The following KCNAB1 variants were observed in gnomAD, a reference collection of about 807,000 sequenced individuals.
The protein encoded by KCNAB1 is voltage-gated potassium channel subunit beta-1.
KCNAB1 carries 35 observed loss-of-function variants against 64.6 expected under a neutral mutation model. The observed-to-expected ratio is 0.54, with a 90% CI of 0.41 to 0.72. KCNAB1 has a LOEUF of 0.72. Ranked by LOEUF, KCNAB1 falls within the 30% of genes least tolerant of loss-of-function variation. KCNAB1 has a pLI of 0.00. For synonymous variants in KCNAB1, 177 were observed against 183.8 expected (o/e 0.96, Z 0.30); for missense variants, 401 against 512.9 (o/e 0.78, Z 2.11).
In KCNAB1 at chr3:156,176,486, C is replaced by T; in HGVS notation, c.275+55600C>T. 5 of 790,836 alleles carry T rather than the reference C, an allele frequency of 6.3e-6. 1 individual carries two copies. The highest frequency in any genetic ancestry group is 5.4e-5 in the South Asian group (4 of 74,688). The allele number at this position is 790,836 out of a possible 1,614,324, so 49.0% of individuals were successfully genotyped here. A position where few individuals can be genotyped will look rare whatever the true frequency, so the allele number is the denominator to read the frequency against. Reference sequence around the variant, plus strand: ...TCCCTTTAGCGTTTTAACCCTCTTGCCCGTTTCACTATCCCACACAGCCAC... The same window carrying T: ...TCCCTTTAGCGTTTTAACCCTCTTGTCCGTTTCACTATCCCACACAGCCAC... On this transcript the variant is annotated intron_variant, in intron 1 of 13. Coordinates refer to ENST00000490337, the MANE Select transcript of KCNAB1 (RefSeq NM_172160.3).
At chr3:156,337,507 A>G (rs553227879) in intron 1 of KCNAB1, among the ~76,000 whole-genome samples, 7 of 152,104 alleles carry the variant, frequency 4.6e-5, no homozygotes, top group African/African-American at 9.6e-5. Context: ...CACTTTGCCT[A>G]GAGGCACCAA....
chr3:156,296,623 A>AC (rs1720804248), intron 1 of KCNAB1, among the ~76,000 whole-genome samples: 2 of 151,664 alleles, frequency 1.3e-5, no homozygotes, highest in South Asian at 4.2e-4. Context: ...ACAGGTGCCC[A>AC]CCACCATGCC....
intron 10 of KCNAB1, 112 bp from the exon 11 acceptor site, chr3:156,516,158 C>T: frequency 2.9e-6 from 2 of 678,792 alleles, no homozygotes; most frequent in South Asian, 3.6e-5. Context: ...ATTTATCTGG[C>T]CAGCTTTTCC....
chr3:156,309,776 C>A (rs1259497294), intron 1 of KCNAB1, among the ~76,000 whole-genome samples: 1 of 152,214 alleles, frequency 6.6e-6, no homozygotes, highest in African/African-American at 2.4e-5. Context: ...TCCTGCTGCC[C>A]TGTTTGTGAT....
At chr3:156,532,161 G>T (rs1406089863) in intron 13 of KCNAB1, among the ~76,000 whole-genome samples, 1 of 152,140 alleles carries the variant, frequency 6.6e-6, no homozygotes, top group African/African-American at 2.4e-5. Context: ...GCAAATTTAG[G>T]AGGCCCATCC....
At chr3:156,363,823 A>G (rs1725777229) in intron 1 of KCNAB1, among the ~76,000 whole-genome samples, 6 of 152,218 alleles carry the variant, frequency 3.9e-5, no homozygotes, top group Admixed American at 3.9e-4. Flanking sequence ...AGGCGACTAC[A>G]TAAAATGGTG....
chr3:156,174,553 A>G (rs1321876489), intron 1 of KCNAB1, among the ~76,000 whole-genome samples: 4 of 152,346 alleles, frequency 2.6e-5, no homozygotes, highest in Middle Eastern at 6.8e-3. Context: ...CCCTTCCCTG[A>G]CACCCTGACT....
At position 156,209,664 on chromosome 3, in the gene KCNAB1, C is replaced by G. The variant is rs937609052; in HGVS notation, c.275+88778C>G. ...CAGATGTGAACAGAACACAAGATGT[C>G]TGGAAAATTCCACCATAGCACAGAG... is the stretch of plus-strand genomic sequence containing the variant. On this transcript the variant is annotated intron_variant, in intron 1 of 13. Coordinates refer to ENST00000490337, the MANE Select transcript of KCNAB1 (RefSeq NM_172160.3). Among the ~76,000 whole-genome samples the G allele has an allele frequency of 2.6e-5, 4 of 152,200 alleles. No individual in the cohort carries two copies. The South Asian group carries it at 8.3e-4, about 32-fold the overall frequency.
At chr3:156,194,110 G>T (rs1713733854) in intron 1 of KCNAB1, among the ~76,000 whole-genome samples, 1 of 151,604 alleles carries the variant, frequency 6.6e-6, no homozygotes, top group East Asian at 1.9e-4. Context: ...ATTGCTATTA[G>T]TTTTATGTTA....
chr3:156,493,806 A>G (rs923889520), intron 8 of KCNAB1, among the ~76,000 whole-genome samples: 1 of 152,106 alleles, frequency 6.6e-6, no homozygotes, highest in African/African-American at 2.4e-5. Context: ...GGCATTTCCT[A>G]GTGATTAAAT....
At chr3:156,393,255 G>A (rs1215533663) in intron 1 of KCNAB1, among the ~76,000 whole-genome samples, 1 of 152,168 alleles carries the variant, frequency 6.6e-6, no homozygotes, top group East Asian at 1.9e-4. Context: ...AGATGAACAT[G>A]GCTGAACTTA....
intron 1 of KCNAB1, among the ~76,000 whole-genome samples, chr3:156,222,593 TATAGAACATTCTACCCAAC>T (rs1301486817): frequency 6.6e-6 from 1 of 152,200 alleles, no homozygotes; most frequent in Non-Finnish European, 1.5e-5. Context: ...CAGATATATT[TATAGAACATTCTACCCAAC>T]AACTGTAGAA....
intron 1 of KCNAB1, among the ~76,000 whole-genome samples, chr3:156,394,230 A>T (rs1713259713): frequency 1.3e-5 from 2 of 152,230 alleles, no homozygotes. Context: ...TACAAACTCC[A>T]TTTGTATTAG....
intron 1 of KCNAB1, among the ~76,000 whole-genome samples, chr3:156,272,524 C>G (rs1719095423): frequency 6.6e-6 from 1 of 152,108 alleles, no homozygotes; most frequent in Non-Finnish European, 1.5e-5. Context: ...CGGGCTACCA[C>G]CAGTGTTCCC....
intron 2 of KCNAB1, among the ~76,000 whole-genome samples, chr3:156,424,037 A>T (rs1576846905): frequency 6.6e-6 from 1 of 152,200 alleles, no homozygotes; most frequent in Non-Finnish European, 1.5e-5. Flanking sequence ...TGGTGTGTCC[A>T]TTGGGAGAGA....
intron 7 of KCNAB1, among the ~76,000 whole-genome samples, chr3:156,466,383 C>T (rs7629988): frequency 0.14 from 20,836 of 151,994 alleles, 2,756 homozygotes; most frequent in African/African-American, 0.35. Flanking sequence ...AGTTAAAGTG[C>T]GTTTGGCTTA....
intron 2 of KCNAB1, among the ~76,000 whole-genome samples, chr3:156,435,023 A>T (rs991151799): frequency 2.0e-5 from 3 of 152,244 alleles, no homozygotes; most frequent in Non-Finnish European, 4.4e-5. Context: ...TAATCAAGTC[A>T]GTGCTAGTGT....
intron 8 of KCNAB1, among the ~76,000 whole-genome samples, chr3:156,510,698 A>G (rs899413997): frequency 5.3e-5 from 8 of 152,038 alleles, no homozygotes; most frequent in African/African-American, 1.7e-4. Context: ...TGCTTTTCTC[A>G]TGGTCTGCAG....
At chr3:156,443,006 G>A (rs144650765) in intron 2 of KCNAB1, among the ~76,000 whole-genome samples, 1 of 152,274 alleles carries the variant, frequency 6.6e-6, no homozygotes, top group East Asian at 1.9e-4. Context: ...CATCTAGACA[G>A]CCAGTTTGGG....
Sources: gnomAD v4.1 joint callset for allele counts (sites outside exome capture counted in the v4.1 genomes callset) on GRCh38, gnomAD v4.1.1 for gene constraint, MANE v1.5 for transcripts, NCBI Gene and HGNC (gene_info 2026-07-23, HGNC 2026-07-21) for gene names.